RALGAPA1: variants seen among roughly 807,000 people sequenced by gnomAD.
RALGAPA1 encodes the protein Ral GTPase activating protein catalytic subunit alpha 1.
Under a neutral mutation model 269.6 loss-of-function variants are expected in RALGAPA1, and 52 were observed. That is an observed-to-expected ratio of 0.19 (90% CI 0.15 to 0.24). The LOEUF (loss-of-function observed/expected upper bound fraction) is 0.24, where lower values mean the gene tolerates loss of function less well. Among genes scored for constraint, RALGAPA1 ranks in the 10% least tolerant of loss-of-function variants. The pLI is 1.00. For missense variants in RALGAPA1, 1,917 were observed against 3,013.9 expected (o/e 0.64, Z 8.52); for synonymous variants, 817 against 1,008.3 (o/e 0.81, Z 3.60).
In RALGAPA1 at chr14:35,622,175, T is replaced by C. The variant is rs182213644; in HGVS notation, c.6929+3186A>G. On this transcript the variant is annotated intron_variant, in intron 35 of 41. Transcript: ENST00000680220. ...GTGGCACATATACACCACGGAATAC[T>C]ATGCAGCCATAAAAAAGGATGAGTT... Among the ~76,000 whole-genome samples, 773 of 152,304 alleles carry C rather than the reference T, an allele frequency of 5.1e-3. 3 individuals are homozygous for C. Among genetic ancestry groups the C allele is most frequent in the African/African-American group, 0.018 (738 of 41,556 alleles).
At chr14:35,683,775 C>T in intron 21 of RALGAPA1, 34 bp downstream of exon 21, 1 of 1,488,284 alleles carries the variant, frequency 6.7e-7, no homozygotes, top group Non-Finnish European at 9.1e-7. Flanking sequence ...TTAAAAAATA[C>T]ATTTAAGAAA....
At chr14:35,605,837 C>T (rs574936588) in intron 35 of RALGAPA1, 128 bp from the exon 36 acceptor site, 12 of 1,067,056 alleles carry the variant, frequency 1.1e-5, no homozygotes, top group Middle Eastern at 2.2e-4. Flanking sequence ...TTATAGTCTA[C>T]AGAAGGAGAT....
chr14:35,574,119 T>C (rs1025256858), intron 37 of RALGAPA1, among the ~76,000 whole-genome samples: 1 of 152,220 alleles, frequency 6.6e-6, no homozygotes, highest in Non-Finnish European at 1.5e-5. Context: ...TAGTAAAAGC[T>C]GAGCACACTG....
chr14:35,759,805 G>A (rs1167069510), intron 6 of RALGAPA1, among the ~76,000 whole-genome samples: 3 of 151,526 alleles, frequency 2.0e-5, no homozygotes, highest in African/African-American at 2.4e-5. Flanking sequence ...CCAGCTACTC[G>A]GGAGGCTGAG....
intron 11 of RALGAPA1, among the ~76,000 whole-genome samples, chr14:35,739,494 C>T (rs1275863249): frequency 1.3e-5 from 2 of 152,068 alleles, no homozygotes; most frequent in Non-Finnish European, 2.9e-5. Flanking sequence ...GACCCACAAG[C>T]ATCTCAAACT....
chr14:35,750,079 A>T (rs935994409), intron 9 of RALGAPA1, among the ~76,000 whole-genome samples: 1 of 152,052 alleles, frequency 6.6e-6, no homozygotes, highest in Non-Finnish European at 1.5e-5. Context: ...GTCTTTGTTG[A>T]AAAAGGGGGG....
Position 35,686,569 on chromosome 14 carries a change from T to A in RALGAPA1, c.4050A>T (p.Ala1350=), listed in dbSNP as rs2065956281. 1 of 1,604,268 alleles carries A rather than the reference T, an allele frequency of 6.2e-7. No individual in the cohort carries two copies. The highest frequency in any genetic ancestry group is 1.1e-5 in the South Asian group (1 of 88,910). ...NVPDLMDEFI[A]ERLRSGNAST... ...AGGCATTACCACTTCGAAGTCGTTC[T>A]GCTATAAACTCATCCATCAGATCAG... The change falls in exon 19 of 42, where the codon GCA becomes GCT. Residue 1350 remains alanine (A), a synonymous_variant. Transcript: ENST00000680220.
At position 35,728,364 on chromosome 14, in the gene RALGAPA1, A is replaced by T. The variant is rs1165859241; in HGVS notation, c.1734T>A (p.Thr578=). 6.4e-7 allele frequency: 1 copy of T among 1,556,436 alleles called. No homozygotes were observed. Among genetic ancestry groups the T allele is most frequent in the Non-Finnish European group, 8.7e-7 (1 of 1,155,790 alleles). Residue 578 remains threonine, a splice_region_variant and synonymous_variant, in exon 13 of 42, where the codon ACT becomes ACA. Transcript: ENST00000680220. ...MVVQVSMDKK[T]WEQMLLVLLR... ...ATAAAGGATAAAAATTTTTTTACCA[A>T]GTCTTTTTGTCCATTGATACTTGTA...
At chr14:35,571,029 T>C (rs960403066) in intron 38 of RALGAPA1, among the ~76,000 whole-genome samples, 5 of 152,232 alleles carry the variant, frequency 3.3e-5, no homozygotes, top group Non-Finnish European at 7.3e-5. Context: ...CTAGTTTCAA[T>C]TGTATACAAA....
chr14:35,550,869 G>T (rs146425586), intron 39 of RALGAPA1, among the ~76,000 whole-genome samples: 269 of 152,228 alleles, frequency 1.8e-3, no homozygotes, highest in African/African-American at 5.6e-3. Context: ...TCAGCATCAA[G>T]GATTTTACAT....
chr14:35,630,488 G>A (rs1306602164), intron 33 of RALGAPA1, among the ~76,000 whole-genome samples: 4 of 152,172 alleles, frequency 2.6e-5, no homozygotes, highest in East Asian at 1.9e-4. Context: ...CACCATGTTG[G>A]TCAGGCTGGT....
intron 16 of RALGAPA1, among the ~76,000 whole-genome samples, chr14:35,702,925 A>G (rs908656387): frequency 6.6e-5 from 10 of 151,882 alleles, no homozygotes; most frequent in African/African-American, 2.4e-4. Flanking sequence ...TTTTTAGTAG[A>G]GACAGGGTTT....
At chr14:35,662,615 A>G (rs1044581134) in intron 27 of RALGAPA1, among the ~76,000 whole-genome samples, 1 of 152,176 alleles carries the variant, frequency 6.6e-6, no homozygotes, top group African/African-American at 2.4e-5. Context: ...GGGCCAACAG[A>G]GAACAAGGCC....
At chr14:35,674,121 A>G in intron 24 of RALGAPA1, 59 bp downstream of exon 24, 1 of 1,329,056 alleles carries the variant, frequency 7.5e-7, no homozygotes, top group Non-Finnish European at 1.1e-6. Flanking sequence ...ATCTCTATAA[A>G]AAGTTTAAGA....
At chr14:35,615,436 G>A (rs1298698960) in intron 35 of RALGAPA1, among the ~76,000 whole-genome samples, 1 of 152,150 alleles carries the variant, frequency 6.6e-6, no homozygotes, top group Admixed American at 6.5e-5. Flanking sequence ...TCCCGCCCTA[G>A]TCCTCCCTAG....
chr14:35,686,071 G>A (rs1004439695), intron 19 of RALGAPA1, among the ~76,000 whole-genome samples: 3 of 151,848 alleles, frequency 2.0e-5, no homozygotes, highest in Non-Finnish European at 4.4e-5. Context: ...AACTATGGGA[G>A]CTGGTTCACA....
Position 35,683,924 on chromosome 14 carries a change from G to C in RALGAPA1, c.4356C>G (p.Gly1452=), listed in dbSNP as rs1486276621. ...CCTGCTCTTCAGCACTCTGATGATG[G>C]CCAGAACCTGAATCCACATCAGCAG... The part of the protein sequence containing the change: ...TSSADVDSGS[G]HHQSAEEQEV... Residue 1452 remains glycine, a synonymous_variant, in exon 21 of 42, where the codon GGC becomes GGG. Coordinates refer to ENST00000680220, the MANE Select transcript of RALGAPA1 (RefSeq NM_001346249.2). The C allele has an allele frequency of 1.2e-6, 2 of 1,613,352 alleles. No homozygotes were observed. Among genetic ancestry groups the C allele is most frequent in the South Asian group, 1.1e-5 (1 of 90,982 alleles).
intron 36 of RALGAPA1, among the ~76,000 whole-genome samples, chr14:35,598,105 T>G (rs543867321): frequency 6.6e-6 from 1 of 152,350 alleles, no homozygotes; most frequent in South Asian, 2.1e-4. Context: ...TCTTAACTGT[T>G]GAGGAGTGAA....
intron 16 of RALGAPA1, among the ~76,000 whole-genome samples, chr14:35,712,480 C>A (rs2068442305): frequency 1.3e-5 from 2 of 151,966 alleles, no homozygotes; most frequent in Admixed American, 6.6e-5. Flanking sequence ...ATCTGACAGT[C>A]TTTATTTCTC....
Sources: allele counts gnomAD v4.1 joint callset (sites outside exome capture counted in the v4.1 genomes callset), GRCh38; gene constraint gnomAD v4.1.1; transcripts MANE v1.5; gene names NCBI Gene and HGNC (gene_info 2026-07-23, HGNC 2026-07-21).